TAF1: variants seen among roughly 807,000 people sequenced by gnomAD.
TAF1 encodes the protein transcription initiation factor TFIID subunit 1.
In TAF1, 2 loss-of-function variants were observed where a neutral mutation model predicts 138.5. The ratio of observed to expected loss-of-function variants is 0.01; its 90% CI spans 0.01 to 0.05. TAF1 has a LOEUF of 0.05. TAF1 is among the 10% of genes least tolerant of loss of function. The probability of loss-of-function intolerance (pLI) is 1.00; values close to 1 mark genes in which losing one functional copy is unlikely to be tolerated. For missense variants in TAF1, 709 were observed against 1,478.0 expected, an observed-to-expected ratio of 0.48 and a Z score of 8.53; for synonymous variants, 437 against 503.2, an observed-to-expected ratio of 0.87 and a Z score of 1.76.
chrX:71,444,987 C>T (rs1157600909), intron 32 of TAF1, among the ~76,000 whole-genome samples: 1 of 110,568 alleles, frequency 9.0e-6, no homozygotes, highest in Non-Finnish European at 1.9e-5. Context: ...CTCAGCCTCC[C>T]AATGTGCTGG....
intron 13 of TAF1, among the ~76,000 whole-genome samples, chrX:71,505,947 G>A (rs1395243481): frequency 9.1e-6 from 1 of 109,377 alleles, no homozygotes; most frequent in East Asian, 2.9e-4. Context: ...TTGAACCCAG[G>A]AGGCGGAGGT....
chrX:71,466,536 C>G (rs1046048987), downstream of TAF1: 1 of 112,538 alleles, frequency 8.9e-6, no homozygotes, highest in African/African-American at 3.2e-5. Flanking sequence ...TGCCATCATG[C>G]CCAGCTAATT....
At chrX:71,514,764 T>C (rs973602753) in intron 13 of TAF1, among the ~76,000 whole-genome samples, 6 of 111,818 alleles carry the variant, frequency 5.4e-5, no homozygotes, top group Non-Finnish European at 9.4e-5. Flanking sequence ...CACATGCCAG[T>C]ATCTTTACTT....
chrX:71,499,643 T>C (rs1410964334), intron 13 of TAF1, among the ~76,000 whole-genome samples: 1 of 111,451 alleles, frequency 9.0e-6, no homozygotes, highest in Non-Finnish European at 1.9e-5. Context: ...AGCATATGTT[T>C]ATGACTCCAG....
At chrX:71,376,814 T>C in intron 4 of TAF1, 136 bp from the exon 5 acceptor site, 1 of 890,686 alleles carries the variant, frequency 1.1e-6, no homozygotes, top group Non-Finnish European at 1.5e-6. Context: ...GGTTGCATAC[T>C]AGTATTATGA....
At chrX:71,439,677 C>G (rs780734040) in intron 32 of TAF1, among the ~76,000 whole-genome samples, 21 of 111,876 alleles carry the variant, frequency 1.9e-4, no homozygotes, top group Non-Finnish European at 3.9e-4. Context: ...TAGCCCTGTT[C>G]CGCAAGAGCA....
At chrX:71,412,744 A>G (rs1602589743) in intron 28 of TAF1, among the ~76,000 whole-genome samples, 1 of 111,713 alleles carries the variant, frequency 9.0e-6, no homozygotes, top group Non-Finnish European at 1.9e-5. Context: ...CGTGCCACCC[A>G]CGCCTGGCTA....
intron 32 of TAF1, among the ~76,000 whole-genome samples, chrX:71,452,031 C>G (rs750187976): frequency 3.7e-3 from 410 of 111,130 alleles, no homozygotes; most frequent in South Asian, 8.7e-3. Context: ...CAGAGGGGCT[C>G]CTCACTTCCC....
At chrX:71,366,515 G>GGT in intron 1 of TAF1, 21 bp downstream of exon 1, 25 of 418,707 alleles carry the variant, frequency 6.0e-5, no homozygotes, top group Non-Finnish European at 9.0e-5. Context: ...GGGCGTGGGG[G>GGT]TAGGGCTCGG....
intron 13 of TAF1, among the ~76,000 whole-genome samples, chrX:71,486,558 C>T (rs1398344738): frequency 9.7e-6 from 1 of 102,742 alleles, no homozygotes; most frequent in Non-Finnish European, 2.0e-5. Context: ...ACAGGGGTCT[C>T]ACCATGTTTC....
intron 1 of TAF1, 67 bp downstream of exon 1, chrX:71,366,561 G>C: frequency 9.8e-7 from 1 of 1,024,954 alleles, no homozygotes; most frequent in South Asian, 2.3e-5. Context: ...GGTGCGGGGA[G>C]GAAAGGAGAG....
At chrX:71,530,027 G>T in exon 15 of TAF1, 1 of 166,284 alleles carries the variant, frequency 6.0e-6, no homozygotes, top group Non-Finnish European at 1.2e-5. Flanking sequence ...GGCTTTCATT[G>T]TTTTTTCCTT....
In TAF1 at chrX:71,399,227, A is replaced by C. The variant is rs1261283235; in HGVS notation, c.3786+490A>C. 1.7e-4 allele frequency among the ~76,000 whole-genome samples: 18 copies of C among 105,102 alleles called. 1 individual carries two copies. The highest frequency in any genetic ancestry group is 9.7e-5 in the Non-Finnish European group (5 of 51,699). 91.3% of individuals were successfully genotyped at this position (105,102 alleles called of 115,157 possible). A position where few individuals can be genotyped will look rare whatever the true frequency, so the allele number is the denominator to read the frequency against. On this transcript the variant is annotated intron_variant, in intron 24 of 37. Coordinates refer to ENST00000423759, the MANE Select transcript of TAF1 (RefSeq NM_004606.5). ...AGTGCTGGGATTGCAGGCGTGAGCC[A>C]CCATGCCCGGCTTGTCATTTATTCT... is the stretch of plus-strand genomic sequence containing the variant.
At chrX:71,409,330 G>A (rs887852631) in intron 28 of TAF1, among the ~76,000 whole-genome samples, 1 of 110,176 alleles carries the variant, frequency 9.1e-6, no homozygotes, top group Non-Finnish European at 1.9e-5. Context: ...GTTTTGCCAT[G>A]TTGCCCAGGC....
chrX:71,417,436 A>C (rs911257038), intron 28 of TAF1, among the ~76,000 whole-genome samples: 1 of 111,264 alleles, frequency 9.0e-6, no homozygotes, highest in Non-Finnish European at 1.9e-5. Context: ...AGCGTAATGC[A>C]GTCTCAGTAT....
chrX:71,388,952 A>G (rs1377690313), intron 17 of TAF1, 84 bp downstream of exon 17: 11 of 1,054,898 alleles, frequency 1.0e-5, no homozygotes, highest in Admixed American at 5.9e-5. Flanking sequence ...GAGAGAGAAG[A>G]TTCTTTCTCT....
At chrX:71,481,333 A>G (rs1324370402) in intron 13 of TAF1, among the ~76,000 whole-genome samples, 2 of 112,240 alleles carry the variant, frequency 1.8e-5, no homozygotes, top group African/African-American at 6.5e-5. Context: ...TATTTGACAG[A>G]TAAAAAGAGT....
intron 32 of TAF1, among the ~76,000 whole-genome samples, chrX:71,441,229 G>GT (rs1006089602): frequency 3.4e-4 from 36 of 105,749 alleles, no homozygotes; most frequent in African/African-American, 4.8e-4. Context: ...CTTTGGCCCA[G>GT]TTTTTTTTTT....
At chrX:71,378,782 G>C in intron 7 of TAF1, 42 bp from the exon 8 acceptor site, 1 of 1,171,951 alleles carries the variant, frequency 8.5e-7, no homozygotes, top group South Asian at 1.8e-5. Flanking sequence ...ACCTTGACCA[G>C]TGACCAATCA....
Sources: gnomAD v4.1 joint callset for allele counts (sites outside exome capture counted in the v4.1 genomes callset) on GRCh38, gnomAD v4.1.1 for gene constraint, MANE v1.5 for transcripts, NCBI Gene and HGNC (gene_info 2026-07-23, HGNC 2026-07-21) for gene names.